SCAPER: variants seen among roughly 807,000 people sequenced by gnomAD.
SCAPER encodes S-phase cyclin A associated protein in the ER.
SCAPER carries 98 observed loss-of-function variants against 182.2 expected under a neutral mutation model. The observed-to-expected ratio is 0.54, with a 90% CI of 0.46 to 0.64. The LOEUF (loss-of-function observed/expected upper bound fraction) is 0.64, where lower values mean the gene tolerates loss of function less well. Among genes scored for constraint, SCAPER ranks in the 30% least tolerant of loss-of-function variants. SCAPER has a pLI of 0.00. For missense variants in SCAPER, 1,432 were observed against 1,690.0 expected (o/e 0.85, Z 2.68); for synonymous variants, 605 against 564.6 (o/e 1.07, Z -1.01).
intron 28 of SCAPER, among the ~76,000 whole-genome samples, chr15:76,377,489 T>C (rs1435751095): frequency 1.3e-5 from 2 of 152,196 alleles, no homozygotes; most frequent in Admixed American, 1.3e-4. Flanking sequence ...AGTTTGAATA[T>C]AAAAATTAAA....
In SCAPER at chr15:76,665,608, C is replaced by T. The variant is rs775474400; in HGVS notation, c.2645+45G>A. The T allele has an allele frequency of 2.6e-6, 4 of 1,528,940 alleles. No individual in the cohort carries two copies. In the South Asian group the frequency reaches 4.0e-5, roughly 15 times the overall value. The allele number at this position is 1,528,940 out of a possible 1,614,324, so 94.7% of individuals were successfully genotyped here. On this transcript the variant is annotated intron_variant, in intron 21 of 31. Transcript: ENST00000563290. ...TTCCTTGGATTTACATTAAAAGATACATCACTAAAAGTTTTTCTTTTGCTT... is the reference window on the plus strand; with the variant it reads ...TTCCTTGGATTTACATTAAAAGATATATCACTAAAAGTTTTTCTTTTGCTT...
At chr15:76,801,129 G>A (rs1435134575) in intron 6 of SCAPER, among the ~76,000 whole-genome samples, 1 of 152,180 alleles carries the variant, frequency 6.6e-6, no homozygotes, top group African/African-American at 2.4e-5. Context: ...TAGTGAAACT[G>A]AACTTTTTAA....
In SCAPER at chr15:76,710,030, T is replaced by C. The variant is rs151158371; in HGVS notation, c.2166-4046A>G. Reference sequence around the variant, plus strand: ...ACTTCCTCAATCTATGAAGAGACTTTATCAAAAATCTACAGCAAGTATCAC... The same window carrying C: ...ACTTCCTCAATCTATGAAGAGACTTCATCAAAAATCTACAGCAAGTATCAC... On this transcript the variant is annotated intron_variant, in intron 17 of 31. Transcript: ENST00000563290. 7.6e-3 allele frequency among the ~76,000 whole-genome samples: 1,156 copies of C among 152,282 alleles called. 11 individuals are homozygous for C. The highest frequency in any genetic ancestry group is 0.01 in the Non-Finnish European group (700 of 68,010).
intron 21 of SCAPER, among the ~76,000 whole-genome samples, chr15:76,648,469 G>C (rs190599477): frequency 6.0e-4 from 92 of 152,236 alleles, no homozygotes; most frequent in Non-Finnish European, 3.4e-4. Flanking sequence ...ACTTTTTCAA[G>C]AAACAATGGC....
chr15:76,881,528 T>C (rs2073539088), intron 2 of SCAPER, among the ~76,000 whole-genome samples: 2 of 152,226 alleles, frequency 1.3e-5, no homozygotes, highest in African/African-American at 4.8e-5. Flanking sequence ...ATTATTTATT[T>C]ATAACAGAAT....
intron 22 of SCAPER, among the ~76,000 whole-genome samples, chr15:76,594,162 G>A (rs1162829713): frequency 8.4e-6 from 1 of 119,250 alleles, no homozygotes; most frequent in African/African-American, 2.6e-5. Context: ...AACACAACAC[G>A]AGAACTTCGT....
chr15:76,837,528 C>A (rs953680685), intron 5 of SCAPER, among the ~76,000 whole-genome samples: 3 of 152,070 alleles, frequency 2.0e-5, no homozygotes, highest in African/African-American at 4.8e-5. Context: ...CTCACTATCA[C>A]GAGAACAGAA....
chr15:76,354,135 G>C lies in SCAPER; in HGVS notation c.3861C>G (p.Ile1287Met), dbSNP rs781747592. The C allele has an allele frequency of 1.2e-6, 2 of 1,601,504 alleles. No homozygotes were observed. Among genetic ancestry groups the C allele is most frequent in the South Asian group, 2.3e-5 (2 of 88,700 alleles). Reference protein sequence around the residue: ...FTVNHPDNQVIVQSGRHPTVL... With the variant: ...FTVNHPDNQVMVQSGRHPTVL... The stretch of plus-strand genomic sequence containing the variant: ...CTGTGGGGTGGCGGCCGGACTGCAC[G>C]ATCACCTGAAATGGAAGAGCAGCCC... The change falls in exon 30 of 32, where the codon ATC becomes ATG. Residue 1287 changes from isoleucine to methionine, a missense_variant. Physicochemically the swap from Ile to Met is conservative, Grantham distance 10 (BLOSUM62 1). Transcript: ENST00000563290. This position sits in a 1 kb window ranked among gnomAD's most constrained non-coding sequence, Gnocchi z 4.4.
At chr15:76,782,310 A>C (rs552887263) in intron 8 of SCAPER, among the ~76,000 whole-genome samples, 1 of 152,220 alleles carries the variant, frequency 6.6e-6, no homozygotes, top group Non-Finnish European at 1.5e-5. Context: ...ATACTAGTAA[A>C]GGGATCAATT....
intron 4 of SCAPER, among the ~76,000 whole-genome samples, chr15:76,851,560 A>C (rs2070759082): frequency 6.6e-6 from 1 of 152,224 alleles, no homozygotes; most frequent in Non-Finnish European, 1.5e-5. Flanking sequence ...AAAAATCTTC[A>C]ACCAAGAATT....
intron 15 of SCAPER, among the ~76,000 whole-genome samples, chr15:76,750,627 C>T (rs1351377471): frequency 1.3e-5 from 2 of 151,770 alleles, no homozygotes; most frequent in African/African-American, 4.8e-5. Context: ...GCCAATGTAA[C>T]ATTACACATT....
At chr15:76,552,916 G>A (rs1597356341) in intron 23 of SCAPER, among the ~76,000 whole-genome samples, 3 of 152,152 alleles carry the variant, frequency 2.0e-5, no homozygotes, top group Admixed American at 2.0e-4. Flanking sequence ...TTACTGGGCC[G>A]CTTCCAATGT....
intron 15 of SCAPER, 47 bp from the exon 16 acceptor site, chr15:76,733,431 G>A: frequency 6.3e-7 from 1 of 1,581,146 alleles, no homozygotes; most frequent in Non-Finnish European, 8.6e-7. Context: ...TTAATTCTAG[G>A]GCACATTACA....
chr15:76,772,479 T>C (rs2063525801), intron 9 of SCAPER, among the ~76,000 whole-genome samples: 1 of 152,042 alleles, frequency 6.6e-6, no homozygotes, highest in African/African-American at 2.4e-5. Context: ...AATATTAACA[T>C]GATCTCAAAG....
chr15:76,625,745 T>G (rs974430317), intron 21 of SCAPER, among the ~76,000 whole-genome samples: 50 of 152,182 alleles, frequency 3.3e-4, no homozygotes, highest in African/African-American at 1.2e-3. Context: ...GCAGGGGCTT[T>G]CCCGTGGCTA....
At chr15:76,441,804 A>G (rs1000892335) in intron 25 of SCAPER, among the ~76,000 whole-genome samples, 1 of 152,190 alleles carries the variant, frequency 6.6e-6, no homozygotes, top group African/African-American at 2.4e-5. Flanking sequence ...ACCTCCTGAC[A>G]TACTGTACAT....
intron 26 of SCAPER, among the ~76,000 whole-genome samples, chr15:76,420,853 G>A (rs886847114): frequency 2.0e-5 from 3 of 152,166 alleles, no homozygotes; most frequent in Admixed American, 2.0e-4. Flanking sequence ...TCCCACCTAT[G>A]AGTGAGAACA....
chr15:76,491,777 G>A (rs916136832), intron 24 of SCAPER, among the ~76,000 whole-genome samples: 1 of 152,032 alleles, frequency 6.6e-6, no homozygotes, highest in Admixed American at 6.5e-5. Context: ...GATTACAGGC[G>A]TTTGCCACCA....
At chr15:76,654,977 G>A (rs1374276692) in intron 21 of SCAPER, among the ~76,000 whole-genome samples, 1 of 152,188 alleles carries the variant, frequency 6.6e-6, no homozygotes, top group African/African-American at 2.4e-5. Context: ...AAGAACTACG[G>A]TATCTCAAAG....
Sources: allele counts gnomAD v4.1 joint callset (sites outside exome capture counted in the v4.1 genomes callset), GRCh38; gene constraint gnomAD v4.1.1; non-coding constraint Gnocchi (gnomAD v3.1); transcripts MANE v1.5; gene names NCBI Gene and HGNC (gene_info 2026-07-23, HGNC 2026-07-21).